Variants in FAM114A1 observed in about 807,000 individuals in gnomAD.
The protein encoded by FAM114A1 is family with sequence similarity 114 member A1.
FAM114A1 carries 62 observed loss-of-function variants against 64.3 expected under a neutral mutation model. The ratio of observed to expected loss-of-function variants is 0.96; its 90% confidence interval spans 0.79 to 1.19. FAM114A1 has a LOEUF of 1.19. Among genes scored for constraint, FAM114A1 ranks in the 50% most tolerant of loss-of-function variants. The pLI, the probability that FAM114A1 is intolerant of heterozygous loss-of-function variation, is 0.00. For missense variants in FAM114A1, 645 were observed against 676.3 expected, an observed-to-expected ratio of 0.95 and a Z score of 0.51; for synonymous variants, 254 against 251.1, an observed-to-expected ratio of 1.01 and a Z score of -0.11.
At chr4:38,908,550 A>C (rs754485205) in intron 6 of FAM114A1, 42 bp from the exon 7 acceptor site, 1 of 1,529,184 alleles carries the variant, frequency 6.5e-7, no homozygotes. Context: ...GCGAAACAGC[A>C]AAACCTAAAC....
intron 2 of FAM114A1, among the ~76,000 whole-genome samples, chr4:38,869,923 A>G (rs553031066): frequency 6.6e-6 from 1 of 152,212 alleles, no homozygotes; most frequent in Non-Finnish European, 1.5e-5. Context: ...ATAAATTTAG[A>G]TTTATGAAAA....
intron 14 of FAM114A1, 54 bp downstream of exon 14, chr4:38,941,075 A>AAT: frequency 7.5e-7 from 1 of 1,341,756 alleles, no homozygotes; most frequent in Non-Finnish European, 9.9e-7. Flanking sequence ...TGTTAGAACT[A>AAT]CTTTTTTTTT....
rs1217388688 is a variant in FAM114A1 at position 38,944,990 on chromosome 4, T to G, written c.*1433T>G. 6.6e-6 allele frequency: 1 copy of G among 152,228 alleles called. No homozygotes were observed. Among genetic ancestry groups the G allele is most frequent in the East Asian group, 1.9e-4 (1 of 5,208 alleles). The allele number at this position is 152,228 out of a possible 1,614,324, so 9.4% of individuals were successfully genotyped here. On this transcript the variant is annotated 3_prime_UTR_variant, in exon 15 of 15. Coordinates refer to ENST00000358869, the MANE Select transcript of FAM114A1 (RefSeq NM_138389.4). ...ATTTAATGTCCTACCCTTTAATTTG[T>G]TGCATTTTCCTATACTCTTTACACT...
At chr4:38,877,825 G>A (rs528873841) in intron 2 of FAM114A1, among the ~76,000 whole-genome samples, 35 of 152,198 alleles carry the variant, frequency 2.3e-4, no homozygotes, top group South Asian at 1.5e-3. Flanking sequence ...TAAGCCAGGC[G>A]TCGTGGCACA....
chr4:38,916,916 G>A (rs968861032), intron 8 of FAM114A1, among the ~76,000 whole-genome samples: 1 of 152,050 alleles, frequency 6.6e-6, no homozygotes, highest in Non-Finnish European at 1.5e-5. Context: ...GACAACAATG[G>A]CTTTGCATTG....
At chr4:38,923,931 G>C (rs1290222342) in intron 9 of FAM114A1, among the ~76,000 whole-genome samples, 2 of 152,220 alleles carry the variant, frequency 1.3e-5, no homozygotes, top group Non-Finnish European at 2.9e-5. Context: ...TAAAACATTT[G>C]CTATGTACTT....
chr4:38,904,279 G>A (rs769668198), intron 4 of FAM114A1, among the ~76,000 whole-genome samples: 5 of 152,176 alleles, frequency 3.3e-5, no homozygotes, highest in Non-Finnish European at 7.3e-5. Context: ...ACCATCCGTA[G>A]GCTATTCATT....
At position 38,878,199 on chromosome 4, in the gene FAM114A1, C is replaced by T. The variant is rs770139556; in HGVS notation, c.121C>T (p.His41Tyr). The change falls in exon 3 of 15, where the codon CAT becomes TAT. Residue 41 changes from histidine to tyrosine, a missense_variant. His to Tyr is a moderately conservative substitution (Grantham distance 83, BLOSUM62 2). Transcript: ENST00000358869. Reference sequence around the variant, plus strand: ...GCATTGTGATTCAGCTGCAGTTTCACATGAGCCAACACCAGCTGACCCCAG... The same window carrying T: ...GCATTGTGATTCAGCTGCAGTTTCATATGAGCCAACACCAGCTGACCCCAG... The part of the protein sequence containing the change: ...EVHCDSAAVS[H>Y]EPTPADPRGE... The T allele has an allele frequency of 6.2e-7, 1 of 1,614,232 alleles. No individual in the cohort carries two copies. Among genetic ancestry groups the T allele is most frequent in the Admixed American group, 1.7e-5 (1 of 60,030 alleles).
intron 2 of FAM114A1, among the ~76,000 whole-genome samples, chr4:38,873,490 G>A (rs1436876267): frequency 6.6e-6 from 1 of 152,096 alleles, no homozygotes; most frequent in African/African-American, 2.4e-5. Context: ...AACAAGGAAG[G>A]TCTTTGTCTT....
intron 3 of FAM114A1, among the ~76,000 whole-genome samples, chr4:38,891,489 G>C (rs1280223152): frequency 6.6e-6 from 1 of 152,158 alleles, no homozygotes; most frequent in Non-Finnish European, 1.5e-5. Context: ...TCGAGGCTCA[G>C]TTAACATCAA....
At chr4:38,907,769 A>T (rs1011506572) in intron 6 of FAM114A1, among the ~76,000 whole-genome samples, 1 of 152,160 alleles carries the variant, frequency 6.6e-6, no homozygotes, top group Non-Finnish European at 1.5e-5. Flanking sequence ...TATCATTTTT[A>T]TATATGGTGG....
chr4:38,883,605 A>C (rs1347891420), intron 3 of FAM114A1, among the ~76,000 whole-genome samples: 1 of 152,206 alleles, frequency 6.6e-6, no homozygotes, highest in Non-Finnish European at 1.5e-5. Context: ...AGTGTGGACC[A>C]CCATGGATAG....
At chr4:38,939,932 A>G (rs1249952217) in intron 13 of FAM114A1, among the ~76,000 whole-genome samples, 3 of 136,768 alleles carry the variant, frequency 2.2e-5, no homozygotes, top group Non-Finnish European at 4.5e-5. Flanking sequence ...TCTGTCACCC[A>G]GGTTGGAGTG....
chr4:38,890,781 A>G (rs1716286860), intron 3 of FAM114A1, among the ~76,000 whole-genome samples: 1 of 152,206 alleles, frequency 6.6e-6, no homozygotes, highest in Non-Finnish European at 1.5e-5. Flanking sequence ...TTAAGCATTC[A>G]TTATATTCCA....
chr4:38,929,669 C>T (rs1197388285), intron 10 of FAM114A1, among the ~76,000 whole-genome samples: 7 of 152,162 alleles, frequency 4.6e-5, no homozygotes, highest in Admixed American at 2.0e-4. Flanking sequence ...CCCAGCTACT[C>T]GGGAGACTGA....
At chr4:38,893,321 A>G (rs780700536) in intron 4 of FAM114A1, among the ~76,000 whole-genome samples, 4 of 152,258 alleles carry the variant, frequency 2.6e-5, no homozygotes, top group Non-Finnish European at 5.9e-5. Context: ...AAAAGTAAAT[A>G]ATATGGTCAC....
intron 2 of FAM114A1, among the ~76,000 whole-genome samples, chr4:38,874,627 C>A (rs1435437006): frequency 6.6e-6 from 1 of 152,088 alleles, no homozygotes; most frequent in Admixed American, 6.6e-5. Flanking sequence ...TCTATTTATT[C>A]TGTTGGTAGT....
chr4:38,939,593 G>C (rs1350732560), intron 13 of FAM114A1, among the ~76,000 whole-genome samples: 1 of 152,084 alleles, frequency 6.6e-6, no homozygotes, highest in African/African-American at 2.4e-5. Flanking sequence ...TTCTCCCAAG[G>C]CTCCATCATG....
At chr4:38,881,292 ACCT>A (rs535028699) in intron 3 of FAM114A1, among the ~76,000 whole-genome samples, 1 of 151,858 alleles carries the variant, frequency 6.6e-6, no homozygotes, top group African/African-American at 2.4e-5. Flanking sequence ...CACCTTATAA[ACCT>A]CCTGAATGCT....
Sources: gnomAD v4.1 joint callset for allele counts (sites outside exome capture counted in the v4.1 genomes callset) on GRCh38, gnomAD v4.1.1 for gene constraint, MANE v1.5 for transcripts, NCBI Gene and HGNC (gene_info 2026-07-23, HGNC 2026-07-21) for gene names.